JAKMIP2: variants seen among roughly 807,000 people sequenced by gnomAD.
JAKMIP2 encodes janus kinase and microtubule interacting protein 2.
JAKMIP2 carries 25 observed loss-of-function variants against 115.0 expected under a neutral mutation model. The ratio of observed to expected loss-of-function variants is 0.22; its 90% CI spans 0.16 to 0.30. The LOEUF (loss-of-function observed/expected upper bound fraction) is 0.30, where lower values mean the gene tolerates loss of function less well. JAKMIP2 is among the 10% of genes least tolerant of loss of function. The pLI is 1.00. For synonymous variants in JAKMIP2, 334 were observed against 343.6 expected (o/e 0.97, Z 0.31); for missense variants, 642 against 957.6 (o/e 0.67, Z 4.35).
chr5:147,735,399 C>G (rs978596458), intron 1 of JAKMIP2, among the ~76,000 whole-genome samples: 1 of 152,158 alleles, frequency 6.6e-6, no homozygotes, highest in Admixed American at 6.5e-5. Context: ...TTCCACATGG[C>G]TGGAGAGGCC....
intron 3 of JAKMIP2, among the ~76,000 whole-genome samples, chr5:147,656,481 T>A (rs1056041446): frequency 3.3e-5 from 5 of 152,272 alleles, no homozygotes; most frequent in Non-Finnish European, 7.3e-5. Context: ...GTTTAAAGTC[T>A]GTTTTATCAG....
chr5:147,733,719 G>A lies in JAKMIP2; in HGVS notation c.-149+48737C>T, dbSNP rs962249908. On this transcript the variant is annotated intron_variant, in intron 1 of 21. Transcript: ENST00000616793. ...TATGAGTGAGAACATGCAGTGTTCG[G>A]TTTTCTGCTCCTGTGTCAGTTTGCT... Among the ~76,000 whole-genome samples the A allele has an allele frequency of 2.6e-5, 4 of 152,276 alleles. No homozygotes were observed. The East Asian group carries it at 7.7e-4, about 29-fold the overall frequency.
At chr5:147,623,841 T>C in intron 16 of JAKMIP2, 152 bp from the exon 17 acceptor site, 1 of 524,802 alleles carries the variant, frequency 1.9e-6, no homozygotes, top group Non-Finnish European at 3.4e-6. Context: ...TGCTTGTTTG[T>C]TTGTTTTGTT....
intron 3 of JAKMIP2, among the ~76,000 whole-genome samples, chr5:147,656,734 C>A (rs1366680551): frequency 1.3e-5 from 2 of 152,124 alleles, no homozygotes; most frequent in East Asian, 3.9e-4. Flanking sequence ...CATCATGATG[C>A]TAGCTGGTTA....
At chr5:147,748,474 GC>G (rs1191419145) in intron 1 of JAKMIP2, among the ~76,000 whole-genome samples, 1 of 151,364 alleles carries the variant, frequency 6.6e-6, no homozygotes, top group Non-Finnish European at 1.5e-5. Flanking sequence ...ACAAAAAGCA[GC>G]CCCAAATCAT....
At chr5:147,615,001 C>T (rs1359865756) in intron 19 of JAKMIP2, among the ~76,000 whole-genome samples, 1 of 152,222 alleles carries the variant, frequency 6.6e-6, no homozygotes, top group Non-Finnish European at 1.5e-5. Flanking sequence ...TACTCCCAAA[C>T]TCACATACAC....
chr5:147,661,120 A>C lies in JAKMIP2; in HGVS notation c.455T>G (p.Leu152Arg). ...TTTCAGGTCCGCAATTTCCTGTAAG[A>C]GCTTAAGGCGCTCTGTGTCAAACAG... ...RKLFDTERLK[L>R]LQEIADLKTA... Residue 152 changes from leucine to arginine, a missense_variant, in exon 3 of 22, where the codon CTC becomes CGC. This residue lies in a region of JAKMIP2 where 439 missense variants were observed against 570.9 expected (regional missense o/e 0.77). Coordinates refer to ENST00000616793, the MANE Select transcript of JAKMIP2 (RefSeq NM_001270941.2). 1 of 1,613,866 alleles carries C rather than the reference A, an allele frequency of 6.2e-7. No homozygotes were observed. Among genetic ancestry groups the C allele is most frequent in the Non-Finnish European group, 8.5e-7 (1 of 1,180,002 alleles).
chr5:147,713,866 C>T (rs1024267167), intron 1 of JAKMIP2, among the ~76,000 whole-genome samples: 8 of 152,100 alleles, frequency 5.3e-5, no homozygotes, highest in Admixed American at 2.6e-4. Context: ...CACATTCTAA[C>T]GGCAAAGGCA....
intron 1 of JAKMIP2, among the ~76,000 whole-genome samples, chr5:147,720,853 A>G (rs1282243686): frequency 1.1e-4 from 16 of 152,000 alleles, no homozygotes; most frequent in South Asian, 4.1e-4. Context: ...TCAGCTCGTC[A>G]AAGTCATTCT....
In JAKMIP2 at chr5:147,628,760, C is replaced by T. The variant is rs775160054; in HGVS notation, c.1986G>A (p.Leu662=). 12 of 1,611,668 alleles carry T rather than the reference C, an allele frequency of 7.4e-6. No homozygotes were observed. Among genetic ancestry groups the T allele is most frequent in the Non-Finnish European group, 6.8e-6 (8 of 1,178,642 alleles). ...AIIQASTVLS[L]AEKWIQQIEG... ...TTGTACGGCTCATTACCTTCTCTGC[C>T]AGGGACAGCACAGTGCTGGCCTGAA... Residue 662 remains leucine (L), a synonymous_variant, in exon 16 of 22, where the codon CTG becomes CTA. Coordinates refer to ENST00000616793, the MANE Select transcript of JAKMIP2 (RefSeq NM_001270941.2).
chr5:147,597,181 CCGATCGTA>C (rs1755437104), intron 21 of JAKMIP2, among the ~76,000 whole-genome samples: 1 of 152,028 alleles, frequency 6.6e-6, no homozygotes, highest in Non-Finnish European at 1.5e-5. Context: ...CCGCGCCTGG[CCGATCGTA>C]CTAATACTCT....
At chr5:147,606,644 A>G (rs1756029982) in intron 20 of JAKMIP2, among the ~76,000 whole-genome samples, 1 of 152,164 alleles carries the variant, frequency 6.6e-6, no homozygotes. Context: ...TCTTTTTGCT[A>G]GGATTGTCTT....
chr5:147,722,040 A>C (rs927915128), intron 1 of JAKMIP2, among the ~76,000 whole-genome samples: 2 of 152,052 alleles, frequency 1.3e-5, no homozygotes, highest in Non-Finnish European at 2.9e-5. Flanking sequence ...CCTCCTATTT[A>C]CTCTGAGTTT....
chr5:147,727,896 C>T (rs973527111), intron 1 of JAKMIP2, among the ~76,000 whole-genome samples: 13 of 151,974 alleles, frequency 8.6e-5, no homozygotes, highest in African/African-American at 3.1e-4. Flanking sequence ...ACTCTTGATG[C>T]ACACATGAGA....
chr5:147,635,830 G>A lies in JAKMIP2; in HGVS notation c.1677+392C>T, dbSNP rs142562332. Reference sequence around the variant, plus strand: ...CCCACCTCGGCCTCCCAAATTACTGGGATTACAGGCTTGAGCCACTGTGCC... The same window carrying A: ...CCCACCTCGGCCTCCCAAATTACTGAGATTACAGGCTTGAGCCACTGTGCC... On this transcript the variant is annotated intron_variant, in intron 12 of 21. Transcript: ENST00000616793. Among the ~76,000 whole-genome samples the A allele has an allele frequency of 6.4e-3, 969 of 152,252 alleles. 52 individuals carry two copies. The East Asian group carries it at 0.13, about 21-fold the overall frequency.
At chr5:147,715,077 C>T (rs1407470070) in intron 1 of JAKMIP2, among the ~76,000 whole-genome samples, 1 of 151,952 alleles carries the variant, frequency 6.6e-6, no homozygotes, top group Non-Finnish European at 1.5e-5. Context: ...CTAGAAGAAA[C>T]ATAAATGTAT....
chr5:147,622,973 T>G (rs73268115), intron 17 of JAKMIP2, among the ~76,000 whole-genome samples: 2,109 of 152,298 alleles, frequency 0.014, 55 homozygotes, highest in African/African-American at 0.049. Context: ...CAGGCTGGAA[T>G]GCAGTGGTAC....
intron 1 of JAKMIP2, among the ~76,000 whole-genome samples, chr5:147,707,040 C>G (rs1752586285): frequency 6.6e-6 from 1 of 151,998 alleles, no homozygotes; most frequent in African/African-American, 2.4e-5. Context: ...GAATCATAAA[C>G]TTTTTAATAC....
intron 1 of JAKMIP2, among the ~76,000 whole-genome samples, chr5:147,761,023 T>C (rs1251096781): frequency 1.3e-5 from 2 of 152,092 alleles, no homozygotes; most frequent in African/African-American, 4.8e-5. Flanking sequence ...TGGGAAGAAA[T>C]GCAAGTAATT....
Sources: gnomAD v4.1 joint callset for allele counts (sites outside exome capture counted in the v4.1 genomes callset) on GRCh38, gnomAD v4.1.1 for gene constraint, gnomAD v4.1.1 regional missense constraint, MANE v1.5 for transcripts, NCBI Gene and HGNC (gene_info 2026-07-23, HGNC 2026-07-21) for gene names.